Variants in FAM98B observed in about 807,000 individuals in gnomAD.
The protein encoded by FAM98B is tRNA-splicing ligase complex subunit FAM98B.
FAM98B carries 32 observed loss-of-function variants against 43.9 expected under a neutral mutation model. The observed-to-expected ratio is 0.73, with a 90% CI of 0.55 to 0.98. The LOEUF (loss-of-function observed/expected upper bound fraction) is 0.98. Among genes scored for constraint, FAM98B ranks in the 50% least tolerant of loss-of-function variants. FAM98B has a pLI of 0.00. For synonymous variants in FAM98B, 190 were observed against 174.0 expected, an observed-to-expected ratio of 1.09 and a Z score of -0.72; for missense variants, 514 against 522.9, an observed-to-expected ratio of 0.98 and a Z score of 0.17.
At position 38,459,232 on chromosome 15, in the gene FAM98B, G is replaced by A. The variant is rs1393193561; in HGVS notation, c.72-4800G>A. On this transcript the variant is annotated intron_variant, in intron 1 of 7. Coordinates refer to ENST00000397609, the MANE Select transcript of FAM98B (RefSeq NM_173611.4). ...ATGCACAAGGGCTTCATCCAGGTCA[G>A]TGACCACACAGATCCTCCTTTGATC... 1.5e-5 allele frequency: 7 copies of A among 468,670 alleles called. No individual in the cohort carries two copies. The East Asian group carries it at 4.0e-4, about 27-fold the overall frequency. The allele number at this position is 468,670 out of a possible 1,614,324, so 29.0% of individuals were successfully genotyped here.
chr15:38,470,046 A>G (rs1238610686), intron 3 of FAM98B, among the ~76,000 whole-genome samples, 181 bp from the exon 4 acceptor site: 2 of 152,126 alleles, frequency 1.3e-5, no homozygotes, highest in South Asian at 2.1e-4. Flanking sequence ...AACACTTGCT[A>G]TGGACTAGGG....
At position 38,484,476 on chromosome 15, in the gene FAM98B, A is replaced by C. The variant is rs903167089; in HGVS notation, c.1119A>C (p.Gly373=). 1 of 180,670 alleles carries C rather than the reference A, an allele frequency of 5.5e-6. No individual in the cohort carries two copies. Among genetic ancestry groups the C allele is most frequent in the Non-Finnish European group, 6.5e-6 (1 of 154,758 alleles). The allele number at this position is 180,670 out of a possible 1,614,324, so 11.2% of individuals were successfully genotyped here. A position where few individuals can be genotyped will look rare whatever the true frequency, so the allele number is the denominator to read the frequency against. The part of the protein sequence containing the change: ...GGGWGGGGGG[G]GGWGGGGGGG... ...GTTGGGGAGGTGGTGGGGGAGGGGG[A>C]GGAGGGTGGGGGGGAGGAGGAGGAG... Residue 373 remains glycine (G), a synonymous_variant, in exon 8 of 8, where the codon GGA becomes GGC. Transcript: ENST00000397609.
intron 6 of FAM98B, among the ~76,000 whole-genome samples, chr15:38,479,861 A>C (rs896595789): frequency 6.6e-6 from 1 of 152,186 alleles, no homozygotes; most frequent in East Asian, 1.9e-4. Flanking sequence ...AAGGTAAATG[A>C]AATGTTGTGT....
chr15:38,484,397 G>A lies in FAM98B; in HGVS notation c.1040G>A (p.Arg347Lys), dbSNP rs1890332808. The A allele has an allele frequency of 7.6e-6, 10 of 1,319,600 alleles. No homozygotes were observed. The highest frequency in any genetic ancestry group is 9.7e-6 in the Non-Finnish European group (10 of 1,035,486). 81.7% of individuals were successfully genotyped at this position (1,319,600 alleles called of 1,614,324 possible). Residue 347 changes from arginine (R) to lysine (K), a missense_variant, in exon 8 of 8, where the codon AGA becomes AAA. By Grantham distance (26) the Arg-to-Lys change is conservative. This residue lies in a region of FAM98B where 469 missense variants were observed against 451.8 expected (regional missense o/e 1.04). Coordinates refer to ENST00000397609, the MANE Select transcript of FAM98B (RefSeq NM_173611.4). ...GWGGGGGGGG[R>K]GGGGGGGGRG... ...GGTGGTGGTGGTGGAGGTGGTGGTA[G>A]AGGAGGTGGTGGGGGTGGGGGTGGG...
chr15:38,465,135 C>T (rs370374275), intron 2 of FAM98B, 134 bp from the exon 3 acceptor site: 9 of 783,646 alleles, frequency 1.1e-5, no homozygotes, highest in South Asian at 2.4e-5. Context: ...ACGTAAGCTT[C>T]GTGATCACAC....
chr15:38,478,398 TTGATTATA>T lies in FAM98B; in HGVS notation c.730-2883_730-2876del, dbSNP rs1208679519. Among the ~76,000 whole-genome samples the T allele has an allele frequency of 9.8e-5, 15 of 152,332 alleles. No individual in the cohort carries two copies. In the East Asian group the frequency reaches 2.7e-3, roughly 27 times the overall value. ...TGGCCTTTCATTTGGTCTTTTTCAA[TTGATTATA>T]TGATTATATGCATTTGTATACTAAG... On this transcript the variant is annotated intron_variant, in intron 6 of 7. Coordinates refer to ENST00000397609, the MANE Select transcript of FAM98B (RefSeq NM_173611.4).
At chr15:38,467,593 C>G (rs1332874372) in intron 3 of FAM98B, among the ~76,000 whole-genome samples, 1 of 152,112 alleles carries the variant, frequency 6.6e-6, no homozygotes, top group Non-Finnish European at 1.5e-5. Flanking sequence ...GACACATTTT[C>G]AATGTCACAT....
intron 6 of FAM98B, among the ~76,000 whole-genome samples, chr15:38,478,579 A>G (rs1305136775): frequency 6.6e-6 from 1 of 152,180 alleles, no homozygotes; most frequent in Non-Finnish European, 1.5e-5. Context: ...GCATATATAT[A>G]CTGTATTCAT....
At chr15:38,477,691 C>G (rs961913939) in intron 6 of FAM98B, among the ~76,000 whole-genome samples, 2 of 152,066 alleles carry the variant, frequency 1.3e-5, no homozygotes, top group Non-Finnish European at 2.9e-5. Context: ...CTCAGTACTC[C>G]GTATGATTAG....
intron 1 of FAM98B, among the ~76,000 whole-genome samples, chr15:38,460,373 C>T (rs1889928395): frequency 7.1e-6 from 1 of 140,594 alleles, no homozygotes; most frequent in Non-Finnish European, 1.6e-5. Flanking sequence ...TTCTCATGTA[C>T]TGCAAGAGGA....
Position 38,485,447 on chromosome 15 carries a change from A to G in FAM98B, c.*788A>G, listed in dbSNP as rs568380058. 3.9e-5 allele frequency: 6 copies of G among 152,332 alleles called. No individual in the cohort carries two copies. In the South Asian group the frequency reaches 6.2e-4, roughly 16 times the overall value. 9.4% of individuals were successfully genotyped at this position (152,332 alleles called of 1,614,324 possible). Reference sequence around the variant, plus strand: ...TTTATGCTCTCACTTTAGATATCCAAATATTAAAAGGCAGGCTGACCTGTA... The same window carrying G: ...TTTATGCTCTCACTTTAGATATCCAGATATTAAAAGGCAGGCTGACCTGTA... On this transcript the variant is annotated 3_prime_UTR_variant, in exon 8 of 8. Transcript: ENST00000397609.
intron 4 of FAM98B, among the ~76,000 whole-genome samples, chr15:38,472,278 GA>G (rs895183688): frequency 4.6e-5 from 7 of 151,970 alleles, no homozygotes; most frequent in African/African-American, 1.7e-4. Flanking sequence ...TATAATGTAT[GA>G]AAAAACCTAA....
chr15:38,477,045 C>G (rs1288082046), intron 6 of FAM98B, among the ~76,000 whole-genome samples: 1 of 151,926 alleles, frequency 6.6e-6, no homozygotes, highest in Non-Finnish European at 1.5e-5. Flanking sequence ...CACCTATAAT[C>G]TCAACACTTT....
chr15:38,473,036 A>C (rs1446917172), intron 4 of FAM98B, among the ~76,000 whole-genome samples: 1 of 152,188 alleles, frequency 6.6e-6, no homozygotes, highest in Non-Finnish European at 1.5e-5. Context: ...TAATTGAGAG[A>C]GATGGCTTGC....
chr15:38,469,655 T>A (rs1031551185), intron 3 of FAM98B, among the ~76,000 whole-genome samples: 5 of 152,262 alleles, frequency 3.3e-5, no homozygotes, highest in Non-Finnish European at 7.3e-5. Context: ...TCATTTAATA[T>A]GTTAATTAAA....
At chr15:38,459,647 G>A (rs1389636278) in intron 1 of FAM98B, 4 of 197,138 alleles carry the variant, frequency 2.0e-5, no homozygotes, top group South Asian at 8.7e-5. Context: ...TGAGACTCCC[G>A]ACTCCCACAG....
chr15:38,474,294 C>T lies in FAM98B; in HGVS notation c.725C>T (p.Ala242Val), dbSNP rs2141059017. The T allele has an allele frequency of 6.2e-7, 1 of 1,606,912 alleles. No individual in the cohort carries two copies. The highest frequency in any genetic ancestry group is 1.1e-5 in the South Asian group (1 of 90,434). The change falls in exon 6 of 8, where the codon GCA becomes GTA. Residue 242 changes from alanine (A) to valine (V), a missense_variant. Ala to Val is a moderately conservative substitution (Grantham distance 64). This residue lies in a region of FAM98B where 469 missense variants were observed against 451.8 expected (regional missense o/e 1.04). Transcript: ENST00000397609. ...TVQSFGWSDR[A>V]KVKTDDIARI... ...CAGTCCTTTGGATGGTCTGATAGAGCAAAGGTAAGGCTGTTTTCCCATATG... is the reference window on the plus strand; with the variant it reads ...CAGTCCTTTGGATGGTCTGATAGAGTAAAGGTAAGGCTGTTTTCCCATATG...
rs145850460 is a variant in FAM98B at position 38,479,040 on chromosome 15, A to G, written c.730-2252A>G. The stretch of plus-strand genomic sequence containing the variant: ...AGTGCCATCATCATAGCTCACTGCA[A>G]CTCACTGGAGGGTCAAGTGATCCTC... On this transcript the variant is annotated intron_variant, in intron 6 of 7. Coordinates refer to ENST00000397609, the MANE Select transcript of FAM98B (RefSeq NM_173611.4). 1.8e-3 allele frequency among the ~76,000 whole-genome samples: 274 copies of G among 152,034 alleles called. 1 individual carries two copies. Among genetic ancestry groups the G allele is most frequent in the African/African-American group, 6.1e-3 (254 of 41,462 alleles).
rs145193924 is a variant in FAM98B, at chr15:38,459,017, C to G, written c.71+4785C>G. On this transcript the variant is annotated intron_variant, in intron 1 of 7. Transcript: ENST00000397609. ...TCATGGAATAGGTGAGCCCGGAACA[C>G]CCCACACCGGCCAGCAGATCCGTCA... 14 of 339,584 alleles carry G rather than the reference C, an allele frequency of 4.1e-5. No individual in the cohort carries two copies. In the East Asian group the frequency reaches 1.1e-3, roughly 28 times the overall value. The allele number at this position is 339,584 out of a possible 1,614,324, so 21.0% of individuals were successfully genotyped here.
Sources: gnomAD v4.1 joint callset for allele counts (sites outside exome capture counted in the v4.1 genomes callset) on GRCh38, gnomAD v4.1.1 for gene constraint, gnomAD v4.1.1 regional missense constraint, MANE v1.5 for transcripts, NCBI Gene and HGNC (gene_info 2026-07-23, HGNC 2026-07-21) for gene names.